Variants in USP28 observed in about 807,000 individuals in gnomAD.
The protein encoded by USP28 is ubiquitin specific peptidase 28.
USP28 carries 113 observed loss-of-function variants against 145.0 expected under a neutral mutation model. The ratio of observed to expected loss-of-function variants is 0.78; its 90% CI spans 0.67 to 0.91. USP28 has a LOEUF of 0.91. USP28 is among the 40% of genes least tolerant of loss of function. USP28 has a pLI of 0.00. For missense variants in USP28, 1,201 were observed against 1,289.6 expected, an observed-to-expected ratio of 0.93 and a Z score of 1.05; for synonymous variants, 447 against 450.9, an observed-to-expected ratio of 0.99 and a Z score of 0.11.
At chr11:113,800,379 TG>T (rs1367137116) in intron 24 of USP28, among the ~76,000 whole-genome samples, 1 of 152,116 alleles carries the variant, frequency 6.6e-6, no homozygotes, top group Non-Finnish European at 1.5e-5. Context: ...CTTGGGTCAC[TG>T]TAGCCTCGGC....
chr11:113,804,643 T>G, intron 21 of USP28, 30 bp downstream of exon 22: 1 of 1,591,478 alleles, frequency 6.3e-7, no homozygotes, highest in Non-Finnish European at 8.6e-7. Flanking sequence ...TTAATGTTTT[T>G]GCTCTATAGA....
rs201559140 is a variant in USP28 at position 113,833,587 on chromosome 11, C to A, written c.622-30G>T. On this transcript the variant is annotated intron_variant, in intron 6 of 24. Coordinates refer to ENST00000003302, the Ensembl canonical transcript of USP28. ...AGAAAACACAGTACATGTACTCTTA[C>A]AATATCTCATTTAGAAAATCAGAAC... 391 of 1,578,706 alleles carry A rather than the reference C, an allele frequency of 2.5e-4. 2 individuals are homozygous for A. The East Asian group carries it at 8.4e-3, about 34-fold the overall frequency.
chr11:113,859,025 T>C (rs1947362219), intron 1 of USP28, among the ~76,000 whole-genome samples: 1 of 152,196 alleles, frequency 6.6e-6, no homozygotes, highest in African/African-American at 2.4e-5. Flanking sequence ...AGAACTAACA[T>C]TTATTGAACA....
chr11:113,872,374 C>A (rs1259752929), intron 1 of USP28, among the ~76,000 whole-genome samples: 1 of 151,996 alleles, frequency 6.6e-6, no homozygotes, highest in Non-Finnish European at 1.5e-5. Context: ...GTAGTCCCAG[C>A]TACTCAGGAG....
At chr11:113,839,474 A>G (rs1944947898) in intron 5 of USP28, among the ~76,000 whole-genome samples, 1 of 152,174 alleles carries the variant, frequency 6.6e-6, no homozygotes, top group African/African-American at 2.4e-5. Context: ...CATCCCAGCT[A>G]CTTGGGAGGC....
At chr11:113,815,058 G>A in intron 14 of USP28, 116 bp downstream of exon 14, 1 of 907,362 alleles carries the variant, frequency 1.1e-6, no homozygotes, top group Non-Finnish European at 1.6e-6. Flanking sequence ...TCTCGGCGGG[G>A]GGGAAATTCT....
At chr11:113,850,525 ACAG>A (rs965149143) in intron 3 of USP28, among the ~76,000 whole-genome samples, 9 of 152,224 alleles carry the variant, frequency 5.9e-5, no homozygotes, top group African/African-American at 2.2e-4. Context: ...GAGAATACTC[ACAG>A]CAGCATCATC....
chr11:113,873,059 T>C (rs1948992780), intron 1 of USP28, among the ~76,000 whole-genome samples: 1 of 152,136 alleles, frequency 6.6e-6, no homozygotes, highest in Admixed American at 6.6e-5. Flanking sequence ...AGCTTCTGAG[T>C]GTCAGGGAAG....
In USP28 at chr11:113,809,427, G is replaced by C. The variant is rs190119370; in HGVS notation, c.1973-173C>G. 4.5e-4 allele frequency among the ~76,000 whole-genome samples: 68 copies of C among 152,310 alleles called. No homozygotes were observed. In the Middle Eastern group the frequency reaches 0.024, roughly 53 times the overall value. ...CTCTTATCCAAAATGATTGGGACTA[G>C]AACTGTTTTGGACTTCAAATTTTTT... On this transcript the variant is annotated intron_variant, in intron 16 of 24. Transcript: ENST00000003302.
At chr11:113,804,189 T>C (rs1229346523) in intron 21 of USP28, among the ~76,000 whole-genome samples, 4 of 152,214 alleles carry the variant, frequency 2.6e-5, no homozygotes, top group African/African-American at 9.6e-5. Flanking sequence ...GAATGACCTC[T>C]TTAGGACTGG....
intron 24 of USP28, among the ~76,000 whole-genome samples, chr11:113,801,137 C>A (rs1487753154): frequency 6.6e-6 from 1 of 152,304 alleles, no homozygotes; most frequent in East Asian, 1.9e-4. Context: ...AGCCACTGCA[C>A]CCAGTCAGAT....
chr11:113,870,833 A>G (rs1470856378), intron 1 of USP28, among the ~76,000 whole-genome samples: 1 of 152,196 alleles, frequency 6.6e-6, no homozygotes, highest in African/African-American at 2.4e-5. Flanking sequence ...TTGTCACTGG[A>G]AAAATGTTTT....
intron 23 of USP28, 59 bp downstream of exon 24, chr11:113,803,099 G>C: frequency 6.7e-7 from 1 of 1,500,402 alleles, no homozygotes; most frequent in Non-Finnish European, 8.9e-7. Context: ...TATTTTCCTG[G>C]CTTCAAGGAG....
chr11:113,826,385 G>A (rs1428126146), intron 11 of USP28, among the ~76,000 whole-genome samples: 7 of 99,920 alleles, frequency 7.0e-5, no homozygotes, highest in African/African-American at 2.8e-4. Flanking sequence ...GTCTCACTCT[G>A]TTACCCAGGC....
chr11:113,841,751 G>A (rs1257896666), exon 4 of USP28: 1 of 1,612,780 alleles, frequency 6.2e-7, no homozygotes, highest in Admixed American at 1.7e-5. Flanking sequence ...TTGTTATCAT[G>A]AGTAAGGTCT....
intron 1 of USP28, chr11:113,874,737 T>C: frequency 8.5e-7 from 1 of 1,176,974 alleles, no homozygotes; most frequent in Non-Finnish European, 1.1e-6. Flanking sequence ...AGCTTTTCTC[T>C]CAAACCAGGG....
At chr11:113,827,176 T>TG in intron 11 of USP28, 57 bp downstream of exon 11, 1 of 1,564,478 alleles carries the variant, frequency 6.4e-7, no homozygotes, top group Non-Finnish European at 8.6e-7. Context: ...ACTTAGTACG[T>TG]GCTCATCTCT....
At chr11:113,814,984 G>A (rs1345115500) in intron 14 of USP28, among the ~76,000 whole-genome samples, 190 bp downstream of exon 14, 3 of 151,992 alleles carry the variant, frequency 2.0e-5, no homozygotes, top group Non-Finnish European at 4.4e-5. Context: ...CCCGGAAGGC[G>A]GAGGTTTCAG....
intron 18 of USP28, among the ~76,000 whole-genome samples, 188 bp downstream of exon 19, chr11:113,807,763 C>T (rs1012375051): frequency 6.6e-6 from 1 of 151,996 alleles, no homozygotes; most frequent in East Asian, 1.9e-4. Context: ...ATGCTGGGAG[C>T]GCTATACAAT....
Sources: gnomAD v4.1 joint callset for allele counts (sites outside exome capture counted in the v4.1 genomes callset) on GRCh38, gnomAD v4.1.1 for gene constraint, MANE v1.5 for transcripts, NCBI Gene and HGNC (gene_info 2026-07-23, HGNC 2026-07-21) for gene names.